Variants in SLC27A5 observed in about 807,000 individuals in gnomAD.
The protein encoded by SLC27A5 is long-chain fatty acid transport protein 5.
A neutral mutation model predicts 63.1 loss-of-function variants in SLC27A5; 47 were observed. The ratio of observed to expected loss-of-function variants is 0.74; its 90% confidence interval spans 0.59 to 0.95. The LOEUF is 0.95. Ranked by LOEUF, SLC27A5 falls within the 40% of genes least tolerant of loss-of-function variation. The probability of loss-of-function intolerance (pLI) is 0.00; values close to 1 mark genes in which losing one functional copy is unlikely to be tolerated. For synonymous variants in SLC27A5, 391 were observed against 403.8 expected, an observed-to-expected ratio of 0.97 and a Z score of 0.38; for missense variants, 940 against 921.0, an observed-to-expected ratio of 1.02 and a Z score of -0.27.
chr19:58,511,886 C>G lies in SLC27A5; in HGVS notation c.70G>C (p.Val24Leu). The G allele has an allele frequency of 6.5e-7, 1 of 1,550,362 alleles. No individual in the cohort carries two copies. The highest frequency in any genetic ancestry group is 1.2e-5 in the South Asian group (1 of 84,164). Residue 24 changes from valine to leucine, a missense_variant, in exon 1 of 10, where the codon GTG becomes CTG. Coordinates refer to ENST00000263093, the MANE Select transcript of SLC27A5 (RefSeq NM_012254.3). ...GTCAAGGCCACAGCGACTGGCCACACTGGCTGCCCCAGGCCCCAGAGCAGG... is the reference window on the plus strand; with the variant it reads ...GTCAAGGCCACAGCGACTGGCCACAGTGGCTGCCCCAGGCCCCAGAGCAGG... The part of the protein sequence containing the change: ...LLLLWGLGQP[V>L]WPVAVALTLR...
chr19:58,511,800 T>C lies in SLC27A5; in HGVS notation c.156A>G (p.Ala52=). 2 of 1,556,870 alleles carry C rather than the reference T, an allele frequency of 1.3e-6. No individual in the cohort carries two copies. Among genetic ancestry groups the C allele is most frequent in the African/African-American group, 1.4e-5 (1 of 73,450 alleles). The change falls in exon 1 of 10, where the codon GCA becomes GCG. Residue 52 remains alanine (A), a synonymous_variant. Transcript: ENST00000263093. ...GCACCCAGGGGCCGAGCCAGGGCCG[T>C]GCTAACATGGCCAGCCCAAGTAGCA... ...CCVLLGLAML[A]RPWLGPWVPH...
chr19:58,510,754 G>C lies in SLC27A5; in HGVS notation c.865C>G (p.Pro289Ala). The C allele has an allele frequency of 6.2e-7, 1 of 1,613,044 alleles. No individual in the cohort carries two copies. The highest frequency in any genetic ancestry group is 1.3e-5 in the African/African-American group (1 of 75,008). ...DLRAGITWRS[P>A]ALFIYTSGTT... ...CCCGAGGTATAGATGAAGAGGGCAG[G>C]GCTTCTCCATGTGATCCCAGCACGC... The change falls in exon 2 of 10, where the codon CCT becomes GCT. Residue 289 changes from proline to alanine, a missense_variant. Physicochemically the swap from Pro to Ala is conservative, Grantham distance 27. Transcript: ENST00000263093.
intron 3 of SLC27A5, among the ~76,000 whole-genome samples, chr19:58,501,735 G>T (rs917101762): frequency 2.0e-5 from 3 of 152,218 alleles, no homozygotes; most frequent in African/African-American, 7.2e-5. Flanking sequence ...GTGCAGTGGT[G>T]CAATCTCCGC....
rs1445955970 is a variant in SLC27A5 at position 58,498,814 on chromosome 19, A to T, written c.1867T>A (p.Tyr623Asn). The T allele has an allele frequency of 6.2e-7, 1 of 1,613,928 alleles. No homozygotes were observed. Among genetic ancestry groups the T allele is most frequent in the African/African-American group, 1.3e-5 (1 of 74,946 alleles). Residue 623 changes from tyrosine (Y) to asparagine (N), a missense_variant, in exon 9 of 10, where the codon TAC (tyrosine) becomes AAC (asparagine). Tyr to Asn is a moderately radical substitution (Grantham distance 143, BLOSUM62 -2). Coordinates refer to ENST00000263093, the MANE Select transcript of SLC27A5 (RefSeq NM_012254.3). The stretch of plus-strand genomic sequence containing the variant: ...ATGCGGATGAAATGGGGGGTAGCGT[A>T]GGCAGGGAGCCAAGCGCGAACGTGC... The part of the protein sequence containing the change: ...YQHVRAWLPA[Y>N]ATPHFIRIQD...
Position 58,511,877 on chromosome 19 carries a change from C to G in SLC27A5, c.79G>C (p.Val27Leu). Residue 27 changes from valine (V) to leucine (L), a missense_variant, in exon 1 of 10, where the codon GTC becomes CTC. Transcript: ENST00000263093. ...LWGLGQPVWP[V>L]AVALTLRWLL... is the part of the protein sequence containing the mutation. ...CAGCGCAGGGTCAAGGCCACAGCGA[C>G]TGGCCACACTGGCTGCCCCAGGCCC... 2.6e-6 allele frequency: 4 copies of G among 1,551,234 alleles called. No homozygotes were observed. The highest frequency in any genetic ancestry group is 3.5e-6 in the Non-Finnish European group (4 of 1,147,672).
chr19:58,506,128 T>C (rs965954780), intron 3 of SLC27A5, among the ~76,000 whole-genome samples: 8 of 151,862 alleles, frequency 5.3e-5, no homozygotes, highest in African/African-American at 1.9e-4. Flanking sequence ...ACTCTCACTA[T>C]GTTGCCCAGG....
Position 58,498,657 on chromosome 19 carries a change from A to T in SLC27A5, c.1931T>A (p.Met644Lys). 1.2e-6 allele frequency: 2 copies of T among 1,614,082 alleles called. No homozygotes were observed. Among genetic ancestry groups the T allele is most frequent in the Non-Finnish European group, 1.7e-6 (2 of 1,179,986 alleles). The change falls in exon 10 of 10, where the codon ATG becomes AAG. Residue 644 changes from methionine (M) to lysine (K), a missense_variant. Coordinates refer to ENST00000263093, the MANE Select transcript of SLC27A5 (RefSeq NM_012254.3). ...AMEVTSTFKL[M>K]KTRLVREGFN... ...GCCCTCACGCACCAACCGGGTCTTC[A>T]TCAGTTTGAACGTGCTGGTGACCTC...
Position 58,511,888 on chromosome 19 carries a change from G to A in SLC27A5, c.68C>T (p.Pro23Leu), listed in dbSNP as rs1473015220. The A allele has an allele frequency of 2.6e-6, 4 of 1,549,766 alleles. 1 individual carries two copies. The highest frequency in any genetic ancestry group is 3.5e-6 in the Non-Finnish European group (4 of 1,147,084). Residue 23 changes from proline (P) to leucine (L), a missense_variant, in exon 1 of 10, where the codon CCA becomes CTA. Transcript: ENST00000263093. The part of the protein sequence containing the change: ...LLLLLWGLGQ[P>L]VWPVAVALTL... ...CAAGGCCACAGCGACTGGCCACACT[G>A]GCTGCCCCAGGCCCCAGAGCAGGAG...
rs767182929 is a variant in SLC27A5, at chr19:58,498,508, C to T, written c.*7G>A. 3.1e-6 allele frequency: 5 copies of T among 1,605,720 alleles called. No individual in the cohort carries two copies. Among genetic ancestry groups the T allele is most frequent in the South Asian group, 2.2e-5 (2 of 90,322 alleles). ...TTGATCCCTACCCCAGTGGGTTGGC[C>T]AGGTGATCAGAGCCTCCAGGTTCCC... is the stretch of plus-strand genomic sequence containing the variant. On this transcript the variant is annotated 3_prime_UTR_variant, in exon 10 of 10. Coordinates refer to ENST00000263093, the MANE Select transcript of SLC27A5 (RefSeq NM_012254.3).
Position 58,510,841 on chromosome 19 carries a change from C to G in SLC27A5, c.778G>C (p.Gly260Arg). ...AGGGCAGCCCCCAGAGCCCCCACCCCTGGTGTAGGGGAGGTATGGCTGAGG... is the reference window on the plus strand; with the variant it reads ...AGGGCAGCCCCCAGAGCCCCCACCCGTGGTGTAGGGGAGGTATGGCTGAGG... The part of the protein sequence containing the change: ...FYLSHTSPTP[G>R]VGALGAALDA... Residue 260 changes from glycine (G) to arginine (R), a missense_variant, in exon 2 of 10, where the codon GGG becomes CGG. Gly to Arg is a moderately radical substitution (Grantham distance 125). Coordinates refer to ENST00000263093, the MANE Select transcript of SLC27A5 (RefSeq NM_012254.3). The G allele has an allele frequency of 1.2e-6, 2 of 1,613,346 alleles. No homozygotes were observed. The highest frequency in any genetic ancestry group is 3.4e-4 in the Middle Eastern group (2 of 5,966).
In SLC27A5 at chr19:58,501,393, C is replaced by T; in HGVS notation, c.1075G>A (p.Ala359Thr). The T allele has an allele frequency of 1.2e-6, 2 of 1,613,360 alleles. No individual in the cohort carries two copies. Among genetic ancestry groups the T allele is most frequent in the Non-Finnish European group, 1.7e-6 (2 of 1,179,612 alleles). Residue 359 changes from alanine to threonine, a missense_variant, in exon 4 of 10, where the codon GCC (alanine) becomes ACC (threonine). Ala to Thr is a moderately conservative substitution (Grantham distance 58, BLOSUM62 0). Transcript: ENST00000263093. Reference sequence around the variant, plus strand: ...AAGCAGGAAGTAGAGAACTTGGGGGCCAGAACACAGGTGGCTCCTGGGAGA... The same window carrying T: ...AAGCAGGAAGTAGAGAACTTGGGGGTCAGAACACAGGTGGCTCCTGGGAGA... ...CLDLGATCVLAPKFSTSCFWD... is the reference protein window; with the variant it reads ...CLDLGATCVLTPKFSTSCFWD...
Position 58,501,279 on chromosome 19 carries a change from G to A in SLC27A5, c.1182+7C>T, listed in dbSNP as rs376013474. ...TTCACCATGGAGCCCTAATCTTAGA[G>A]CCTCACCTGGGGAATGTTACACAAG... is the stretch of plus-strand genomic sequence containing the variant. On this transcript the variant is annotated splice_region_variant and intron_variant, in intron 4 of 9. Transcript: ENST00000263093. 26 of 1,612,374 alleles carry A rather than the reference G, an allele frequency of 1.6e-5. No individual in the cohort carries two copies. The East Asian group carries it at 2.7e-4, about 17-fold the overall frequency.
chr19:58,508,622 T>C (rs1600043054), intron 3 of SLC27A5: 1 of 150,956 alleles, frequency 6.6e-6, no homozygotes, highest in Non-Finnish European at 1.5e-5. Flanking sequence ...CCACCATGCG[T>C]GGCTTTTTAA....
In SLC27A5 at chr19:58,500,610, G is replaced by T; in HGVS notation, c.1279C>A (p.Arg427=). 6.2e-7 allele frequency: 1 copy of T among 1,614,106 alleles called. No homozygotes were observed. Residue 427 remains arginine, a synonymous_variant, in exon 5 of 10, where the codon CGG becomes AGG. Coordinates refer to ENST00000263093, the MANE Select transcript of SLC27A5 (RefSeq NM_012254.3). ...ETFQQRFGPI[R]IWEVYGSTEG... ...GTGGAGCCGTAGACTTCCCAGATCC[G>T]AATAGGACCGAAGCGCTGCTGGAAG...
intron 3 of SLC27A5, among the ~76,000 whole-genome samples, chr19:58,504,863 A>G (rs1474466555): frequency 6.6e-6 from 1 of 151,674 alleles, no homozygotes; most frequent in Non-Finnish European, 1.5e-5. Flanking sequence ...AAAAATAGCC[A>G]GGCGTGGTGG....
chr19:58,499,532 C>A lies in SLC27A5; in HGVS notation c.1627G>T (p.Gly543Cys). The part of the protein sequence containing the change: ...TGDVLAMDRE[G>C]FLYFRDRLGD... ...AGGCGGTCGCGGAAGTAGAGGAAGC[C>A]TTCGCGGTCCATGGCCAGTACGTCC... The change falls in exon 7 of 10, where the codon GGC (glycine) becomes TGC (cysteine). Residue 543 changes from glycine to cysteine, a missense_variant. Transcript: ENST00000263093. 6.2e-7 allele frequency: 1 copy of A among 1,613,124 alleles called. No homozygotes were observed. The highest frequency in any genetic ancestry group is 8.5e-7 in the Non-Finnish European group (1 of 1,180,022).
At chr19:58,500,170 G>GTAA (rs2053257225) in intron 6 of SLC27A5, among the ~76,000 whole-genome samples, 169 bp downstream of exon 6, 1 of 151,952 alleles carries the variant, frequency 6.6e-6, no homozygotes, top group African/African-American at 2.4e-5. Flanking sequence ...AAGCTGAGGC[G>GTAA]GAGGCCCCAG....
At chr19:58,503,406 T>C (rs1293637694) in intron 3 of SLC27A5, among the ~76,000 whole-genome samples, 1 of 151,996 alleles carries the variant, frequency 6.6e-6, no homozygotes, top group Admixed American at 6.6e-5. Flanking sequence ...ACACCTGTTA[T>C]CCCAACACTT....
rs375962515 is a variant in SLC27A5, at chr19:58,499,140, T to C, written c.1748A>G (p.Tyr583Cys). The C allele has an allele frequency of 2.5e-6, 4 of 1,614,032 alleles. No homozygotes were observed. Among genetic ancestry groups the C allele is most frequent in the South Asian group, 2.2e-5 (2 of 91,088 alleles). The change falls in exon 8 of 10, where the codon TAT (tyrosine) becomes TGT (cysteine). Residue 583 changes from tyrosine (Y) to cysteine (C), a missense_variant. By Grantham distance (194) the Tyr-to-Cys change is radical. Coordinates refer to ENST00000263093, the MANE Select transcript of SLC27A5 (RefSeq NM_012254.3). Reference sequence around the variant, plus strand: ...CTCCGCACCTGGCACGCACACGCCATACACGTTAACCTGTTGCAAGAAGTC... The same window carrying C: ...CTCCGCACCTGGCACGCACACGCCACACACGTTAACCTGTTGCAAGAAGTC... Reference protein sequence around the residue: ...QVDFLQQVNVYGVCVPGCEGK... With the variant: ...QVDFLQQVNVCGVCVPGCEGK...
Sources: allele counts gnomAD v4.1 joint callset (sites outside exome capture counted in the v4.1 genomes callset), GRCh38; gene constraint gnomAD v4.1.1; transcripts MANE v1.5; gene names NCBI Gene and HGNC (gene_info 2026-07-23, HGNC 2026-07-21).